MYO1B: variants seen among roughly 807,000 people sequenced by gnomAD.
MYO1B encodes the protein unconventional myosin-Ib.
A neutral mutation model predicts 159.7 loss-of-function variants in MYO1B; 72 were observed. That is an observed-to-expected ratio of 0.45 (90% CI 0.37 to 0.55). The LOEUF (loss-of-function observed/expected upper bound fraction) is 0.55, where lower values mean the gene tolerates loss of function less well. MYO1B is among the 20% of genes least tolerant of loss of function. The pLI, the probability that MYO1B is intolerant of heterozygous loss-of-function variation, is 0.00. For synonymous variants in MYO1B, 468 were observed against 473.8 expected (o/e 0.99, Z 0.16); for missense variants, 1,062 against 1,364.8 (o/e 0.78, Z 3.50).
At chr2:191,401,538 G>C (rs1696616355) in intron 23 of MYO1B, 1 of 152,124 alleles carries the variant, frequency 6.6e-6, no homozygotes, top group Non-Finnish European at 1.5e-5. Context: ...CAAGGGACAA[G>C]ATTTTTAGAT....
At chr2:191,273,309 G>C (rs2125728089) in intron 1 of MYO1B, among the ~76,000 whole-genome samples, 1 of 152,206 alleles carries the variant, frequency 6.6e-6, no homozygotes, top group East Asian at 1.9e-4. Context: ...TTTTAGTAGA[G>C]ACAGGGTTTC....
At chr2:191,305,403 G>C (rs1468296796) in intron 3 of MYO1B, among the ~76,000 whole-genome samples, 1 of 152,184 alleles carries the variant, frequency 6.6e-6, no homozygotes, top group African/African-American at 2.4e-5. Flanking sequence ...GCGGAACTGA[G>C]GGTGGTGATG....
chr2:191,320,103 T>C (rs1690605082), intron 3 of MYO1B, among the ~76,000 whole-genome samples: 1 of 152,170 alleles, frequency 6.6e-6, no homozygotes, highest in African/African-American at 2.4e-5. Context: ...AAAATTTTAA[T>C]CACAAAAACT....
At chr2:191,379,690 T>TA (rs925778733) in intron 13 of MYO1B, among the ~76,000 whole-genome samples, 7 of 151,386 alleles carry the variant, frequency 4.6e-5, no homozygotes, top group Non-Finnish European at 5.9e-5. Flanking sequence ...GACTGTTGTC[T>TA]AAAAAAAAAG....
At chr2:191,408,019 C>A in intron 24 of MYO1B, 96 bp from the exon 25 acceptor site, 2 of 731,068 alleles carry the variant, frequency 2.7e-6, no homozygotes, top group Non-Finnish European at 2.3e-6. Flanking sequence ...TATAAACTGA[C>A]TTGTTTGACA....
At chr2:191,253,085 A>G (rs1421615725) in intron 1 of MYO1B, among the ~76,000 whole-genome samples, 1 of 152,178 alleles carries the variant, frequency 6.6e-6, no homozygotes, top group Non-Finnish European at 1.5e-5. Context: ...AAACAAAAAA[A>G]TACCCTACCC....
chr2:191,284,493 C>G (rs764346681), intron 2 of MYO1B, among the ~76,000 whole-genome samples: 3 of 152,070 alleles, frequency 2.0e-5, no homozygotes, highest in Admixed American at 6.6e-5. Context: ...TGGTACTTAT[C>G]TTGTTGAGTT....
At chr2:191,405,577 A>G (rs1378008428) in intron 24 of MYO1B, among the ~76,000 whole-genome samples, 1 of 152,266 alleles carries the variant, frequency 6.6e-6, no homozygotes, top group Non-Finnish European at 1.5e-5. Context: ...TCCTTGATCC[A>G]TGAGCTGCAG....
At chr2:191,275,329 C>A (rs182917027) in intron 1 of MYO1B, among the ~76,000 whole-genome samples, 1 of 151,382 alleles carries the variant, frequency 6.6e-6, no homozygotes, top group East Asian at 1.9e-4. Context: ...TATGGGAGAA[C>A]CTCTCATAAA....
rs572060802 is a variant in MYO1B, at chr2:191,395,602, T to C, written c.2227-827T>C. On this transcript the variant is annotated intron_variant, in intron 20 of 30. Coordinates refer to ENST00000392318, the MANE Select transcript of MYO1B (RefSeq NM_001130158.3). ...AGTGAATACTGTAAAAGCTCACTTT[T>C]CTAGGGAGTATTCCAGCAGCCTCCA... Among the ~76,000 whole-genome samples the C allele has an allele frequency of 2.6e-5, 4 of 152,374 alleles. No homozygotes were observed. In the East Asian group the frequency reaches 7.7e-4, roughly 29 times the overall value.
chr2:191,386,748 G>C (rs1008502036), intron 16 of MYO1B, among the ~76,000 whole-genome samples: 2 of 152,052 alleles, frequency 1.3e-5, no homozygotes, highest in African/African-American at 4.8e-5. Flanking sequence ...CAAAATGTTA[G>C]AACTTGGTAC....
chr2:191,346,330 G>A (rs1389168278), intron 6 of MYO1B, 48 bp downstream of exon 6: 2 of 1,328,844 alleles, frequency 1.5e-6, no homozygotes, highest in African/African-American at 3.1e-5. Context: ...TTTAGCTCAT[G>A]TATGTTTAAA....
chr2:191,291,535 A>G (rs1574352575), intron 2 of MYO1B, among the ~76,000 whole-genome samples: 1 of 151,750 alleles, frequency 6.6e-6, no homozygotes, highest in Non-Finnish European at 1.5e-5. Flanking sequence ...AGGCTGGCCC[A>G]CTGAGCAGAG....
At chr2:191,322,627 T>C (rs1038302647) in intron 3 of MYO1B, among the ~76,000 whole-genome samples, 1 of 152,176 alleles carries the variant, frequency 6.6e-6, no homozygotes, top group African/African-American at 2.4e-5. Context: ...GGATTACAAA[T>C]AAGAGTTCTA....
intron 7 of MYO1B, 86 bp from the exon 8 acceptor site, chr2:191,360,545 A>C (rs1693596737): frequency 2.5e-6 from 2 of 811,638 alleles, no homozygotes; most frequent in Admixed American, 2.5e-5. Context: ...CAGAATAGAA[A>C]GAAAAAAGAA....
chr2:191,366,830 A>G (rs1215285300), intron 11 of MYO1B, among the ~76,000 whole-genome samples: 4 of 151,720 alleles, frequency 2.6e-5, no homozygotes, highest in African/African-American at 4.8e-5. Flanking sequence ...CTTTGATCAA[A>G]TAGGCCTCCT....
intron 3 of MYO1B, among the ~76,000 whole-genome samples, chr2:191,311,406 C>T (rs1574401199): frequency 6.6e-6 from 1 of 152,208 alleles, no homozygotes; most frequent in Middle Eastern, 3.4e-3. Context: ...GGCTTAAGAC[C>T]GGAGGGTTTC....
intron 23 of MYO1B, among the ~76,000 whole-genome samples, chr2:191,401,353 A>T (rs957473644): frequency 1.3e-5 from 2 of 152,194 alleles, no homozygotes; most frequent in Non-Finnish European, 2.9e-5. Flanking sequence ...TGTGCAAAGA[A>T]TTATCATCTG....
At chr2:191,369,468 A>G in intron 11 of MYO1B, 74 bp from the exon 12 acceptor site, 1 of 1,105,978 alleles carries the variant, frequency 9.0e-7, no homozygotes, top group South Asian at 1.4e-5. Flanking sequence ...TTTTAAAAGT[A>G]TCTTTATGAT....
Sources: gnomAD v4.1 joint callset for allele counts (sites outside exome capture counted in the v4.1 genomes callset) on GRCh38, gnomAD v4.1.1 for gene constraint, MANE v1.5 for transcripts, NCBI Gene and HGNC (gene_info 2026-07-23, HGNC 2026-07-21) for gene names.